Variants in MCTP1 observed in about 807,000 individuals in gnomAD.
The protein encoded by MCTP1 is multiple C2 and transmembrane domain-containing protein 1.
A neutral mutation model predicts 120.6 loss-of-function variants in MCTP1; 69 were observed. That is an observed-to-expected ratio of 0.57 (90% CI 0.47 to 0.70). The LOEUF is 0.70. Among genes scored for constraint, MCTP1 ranks in the 30% least tolerant of loss-of-function variants. The pLI, the probability that MCTP1 is intolerant of heterozygous loss-of-function variation, is 0.00. For missense variants in MCTP1, 1,203 were observed against 1,248.8 expected (o/e 0.96, Z 0.55); for synonymous variants, 529 against 493.1 (o/e 1.07, Z -0.96).
intron 1 of MCTP1, among the ~76,000 whole-genome samples, chr5:95,189,192 C>T (rs1749567326): frequency 6.6e-6 from 1 of 151,922 alleles, no homozygotes; most frequent in Non-Finnish European, 1.5e-5. Context: ...CCAGACAATA[C>T]TGAATGAAAG....
At chr5:95,104,202 T>C (rs958525774) in intron 1 of MCTP1, among the ~76,000 whole-genome samples, 3 of 152,198 alleles carry the variant, frequency 2.0e-5, no homozygotes, top group Non-Finnish European at 2.9e-5. Context: ...AAGTGAAATT[T>C]AGCAACTTTT....
chr5:94,909,486 A>G, intron 9 of MCTP1, 105 bp from the exon 10 acceptor site: 1 of 1,068,766 alleles, frequency 9.4e-7, no homozygotes, highest in Non-Finnish European at 1.3e-6. Context: ...CTAGAAAAGC[A>G]CGCTGTGTGC....
intron 1 of MCTP1, among the ~76,000 whole-genome samples, chr5:95,255,036 T>G (rs910953048): frequency 2.0e-5 from 3 of 152,172 alleles, no homozygotes; most frequent in Non-Finnish European, 4.4e-5. Flanking sequence ...CTTGTACATG[T>G]GTGTATGTAT....
At chr5:95,079,383 A>C (rs776950455) in intron 1 of MCTP1, among the ~76,000 whole-genome samples, 1 of 152,132 alleles carries the variant, frequency 6.6e-6, no homozygotes, top group African/African-American at 2.4e-5. Context: ...CTCCAAAACT[A>C]GAGGTTTTCT....
At chr5:95,147,409 T>C (rs1760494679) in intron 1 of MCTP1, among the ~76,000 whole-genome samples, 1 of 152,356 alleles carries the variant, frequency 6.6e-6, no homozygotes, top group African/African-American at 2.4e-5. Flanking sequence ...TTATTTATGA[T>C]AGTTACACCT....
intron 2 of MCTP1, among the ~76,000 whole-genome samples, chr5:94,998,571 A>G (rs1401352117): frequency 7.9e-5 from 12 of 152,166 alleles, no homozygotes; most frequent in Admixed American, 5.9e-4. Context: ...CTCTTCCCCA[A>G]AGTGTGAAGA....
intron 1 of MCTP1, among the ~76,000 whole-genome samples, chr5:95,123,873 T>C (rs1211154728): frequency 6.6e-6 from 1 of 152,140 alleles, no homozygotes; most frequent in African/African-American, 2.4e-5. Context: ...ATGGTCTCGA[T>C]CTCCTGACCT....
intron 2 of MCTP1, among the ~76,000 whole-genome samples, chr5:94,999,922 C>T (rs887577906): frequency 2.0e-5 from 3 of 152,106 alleles, no homozygotes; most frequent in African/African-American, 7.2e-5. Context: ...TGCTCTGATT[C>T]AGAATAAAGT....
chr5:95,188,111 A>G (rs1468428139), intron 1 of MCTP1, among the ~76,000 whole-genome samples: 1 of 152,218 alleles, frequency 6.6e-6, no homozygotes, highest in East Asian at 1.9e-4. Flanking sequence ...CATGGAAAAG[A>G]TATTTTACCA....
chr5:94,924,472 C>CA (rs1257054095), intron 6 of MCTP1, among the ~76,000 whole-genome samples: 2 of 152,032 alleles, frequency 1.3e-5, no homozygotes, highest in African/African-American at 4.8e-5. Context: ...TACATTTCTA[C>CA]AAAAAATTCC....
chr5:94,743,765 G>A (rs182966071), intron 19 of MCTP1, among the ~76,000 whole-genome samples: 350 of 151,162 alleles, frequency 2.3e-3, no homozygotes, highest in African/African-American at 8.3e-3. Flanking sequence ...AGCCTCCCGA[G>A]TAGCTGGGAC....
At chr5:94,714,436 T>C (rs1213871289) in intron 20 of MCTP1, among the ~76,000 whole-genome samples, 3 of 151,460 alleles carry the variant, frequency 2.0e-5, no homozygotes, top group Non-Finnish European at 4.4e-5. Flanking sequence ...AAGTCCTCAT[T>C]TAGCTTGGTT....
At chr5:95,080,784 T>C (rs1015162117) in intron 1 of MCTP1, among the ~76,000 whole-genome samples, 3 of 152,204 alleles carry the variant, frequency 2.0e-5, no homozygotes, top group Non-Finnish European at 4.4e-5. Flanking sequence ...TCTCTAGCCA[T>C]GCAATTTGTA....
chr5:94,714,078 A>C (rs1758129336), intron 20 of MCTP1, among the ~76,000 whole-genome samples: 1 of 152,176 alleles, frequency 6.6e-6, no homozygotes, highest in Admixed American at 6.5e-5. Context: ...ATTGCTGTAA[A>C]TACACCTTTT....
intron 1 of MCTP1, among the ~76,000 whole-genome samples, chr5:95,219,664 G>A (rs1487514985): frequency 1.3e-5 from 2 of 152,158 alleles, no homozygotes; most frequent in East Asian, 3.9e-4. Flanking sequence ...AGCAACCTGA[G>A]ACAACAGTCA....
chr5:94,823,734 T>C (rs577418039), intron 17 of MCTP1, among the ~76,000 whole-genome samples: 1 of 152,352 alleles, frequency 6.6e-6, no homozygotes, highest in East Asian at 1.9e-4. Flanking sequence ...CAGTGGTTTG[T>C]AGTTCTCCTT....
chr5:94,798,632 G>A (rs919257423), intron 18 of MCTP1, among the ~76,000 whole-genome samples: 10 of 152,152 alleles, frequency 6.6e-5, no homozygotes, highest in African/African-American at 2.2e-4. Flanking sequence ...TCTGTCTTAA[G>A]TAAAATACAT....
At chr5:94,894,036 G>A (rs918412990) in intron 11 of MCTP1, among the ~76,000 whole-genome samples, 2 of 152,130 alleles carry the variant, frequency 1.3e-5, no homozygotes, top group Non-Finnish European at 2.9e-5. Context: ...AGATTTGGTT[G>A]TGAATATTTC....
intron 18 of MCTP1, among the ~76,000 whole-genome samples, chr5:94,787,765 C>T (rs116436859): frequency 0.014 from 2,132 of 152,180 alleles, 20 homozygotes; most frequent in Non-Finnish European, 0.022. Context: ...TGCAGGTGCC[C>T]GCCATCGCGC....
Sources: allele counts gnomAD v4.1 joint callset (sites outside exome capture counted in the v4.1 genomes callset), GRCh38; gene constraint gnomAD v4.1.1; transcripts MANE v1.5; gene names NCBI Gene and HGNC (gene_info 2026-07-23, HGNC 2026-07-21).